The following GRM8 variants were observed in gnomAD, a reference collection of about 807,000 sequenced individuals.
GRM8 encodes the protein glutamate metabotropic receptor 8, also known as metabotropic glutamate receptor 8.
Under a neutral mutation model 87.2 loss-of-function variants are expected in GRM8, and 47 were observed. That is an observed-to-expected ratio of 0.54 (90% confidence interval 0.43 to 0.69). The LOEUF is 0.69. Ranked by LOEUF, GRM8 falls within the 30% of genes least tolerant of loss-of-function variation. The pLI, the probability that GRM8 is intolerant of heterozygous loss-of-function variation, is 0.00. For missense variants in GRM8, 1,019 were observed against 1,139.2 expected, an observed-to-expected ratio of 0.89 and a Z score of 1.52; for synonymous variants, 396 against 404.5, an observed-to-expected ratio of 0.98 and a Z score of 0.25.
At chr7:126,446,729 T>C (rs1802061893) in intron 9 of GRM8, among the ~76,000 whole-genome samples, 1 of 152,018 alleles carries the variant, frequency 6.6e-6, no homozygotes, top group South Asian at 2.1e-4. Context: ...TAGAAGGTAC[T>C]AGTGGGCCAA....
chr7:126,779,601 CAT>C (rs1453056429), intron 6 of GRM8, among the ~76,000 whole-genome samples: 1 of 152,066 alleles, frequency 6.6e-6, no homozygotes, highest in Non-Finnish European at 1.5e-5. Context: ...CATTTGCTAA[CAT>C]AGAGTCTGTT....
intron 8 of GRM8, among the ~76,000 whole-genome samples, chr7:126,549,125 A>G (rs1171395710): frequency 1.3e-5 from 2 of 152,204 alleles, no homozygotes; most frequent in Non-Finnish European, 2.9e-5. Context: ...AAAACAATAC[A>G]GACATGGAAA....
intron 7 of GRM8, among the ~76,000 whole-genome samples, chr7:126,619,654 C>T (rs533755299): frequency 2.6e-5 from 4 of 152,050 alleles, no homozygotes; most frequent in East Asian, 3.9e-4. Flanking sequence ...CCATCCTATA[C>T]GTTAGGTATT....
intron 9 of GRM8, among the ~76,000 whole-genome samples, chr7:126,454,059 G>T (rs1368139829): frequency 6.6e-6 from 1 of 151,198 alleles, no homozygotes; most frequent in Admixed American, 6.6e-5. Flanking sequence ...TCATTTGAAC[G>T]GATATCAAAA....
rs543834841 is a variant in GRM8, at chr7:126,458,004, C to T, written c.2431-11632G>A. 2.8e-5 allele frequency among the ~76,000 whole-genome samples: 4 copies of T among 142,706 alleles called. No homozygotes were observed. The East Asian group carries it at 6.2e-4, about 22-fold the overall frequency. The allele number at this position is 142,706 out of a possible 152,430, so 93.6% of individuals were successfully genotyped here. A position where few individuals can be genotyped will look rare whatever the true frequency, so the allele number is the denominator to read the frequency against. ...ATTTTAAAAATATGCCAGCAAATTA[C>T]TTCTAAATGTTGTTAGCCAAAAAAA... On this transcript the variant is annotated intron_variant, in intron 9 of 10. Coordinates refer to ENST00000339582, the MANE Select transcript of GRM8 (RefSeq NM_000845.3).
At chr7:126,647,650 T>C (rs928683658) in intron 7 of GRM8, among the ~76,000 whole-genome samples, 1 of 152,114 alleles carries the variant, frequency 6.6e-6, no homozygotes, top group African/African-American at 2.4e-5. Context: ...CCAGAGTTGC[T>C]TACATGAAGA....
At chr7:126,910,642 G>C (rs1803184820) in intron 3 of GRM8, among the ~76,000 whole-genome samples, 1 of 152,104 alleles carries the variant, frequency 6.6e-6, no homozygotes, top group African/African-American at 2.4e-5. Context: ...TTTTTATTAG[G>C]GTGCCATGAA....
At chr7:127,183,111 C>T (rs1794557983) in intron 2 of GRM8, among the ~76,000 whole-genome samples, 1 of 151,850 alleles carries the variant, frequency 6.6e-6, no homozygotes, top group African/African-American at 2.4e-5. Flanking sequence ...ACATATCATT[C>T]TAATGCTGAC....
chr7:127,155,990 C>A (rs1792706118), intron 2 of GRM8, among the ~76,000 whole-genome samples: 1 of 152,082 alleles, frequency 6.6e-6, no homozygotes, highest in South Asian at 2.1e-4. Flanking sequence ...TGTTTAATAA[C>A]CCCCAGAGCC....
chr7:126,718,112 C>A (rs1195429462), intron 7 of GRM8, among the ~76,000 whole-genome samples: 2 of 152,014 alleles, frequency 1.3e-5, no homozygotes, highest in East Asian at 3.9e-4. Context: ...TGGCAGGCGC[C>A]TGTAGCCCCA....
chr7:127,070,855 C>T (rs1821608974), intron 3 of GRM8, among the ~76,000 whole-genome samples: 1 of 152,134 alleles, frequency 6.6e-6, no homozygotes, highest in African/African-American at 2.4e-5. Flanking sequence ...ATTCAAAGCC[C>T]ATAATCTCTA....
chr7:126,588,959 C>T (rs901977580), intron 8 of GRM8, among the ~76,000 whole-genome samples: 1 of 152,078 alleles, frequency 6.6e-6, no homozygotes, highest in South Asian at 2.1e-4. Flanking sequence ...CCAGAAGAGC[C>T]CTGTGGGCTC....
At chr7:127,181,335 A>G (rs1362542720) in intron 2 of GRM8, among the ~76,000 whole-genome samples, 2 of 152,082 alleles carry the variant, frequency 1.3e-5, no homozygotes. Context: ...CACTGTTGAA[A>G]GAAATCATAG....
intron 10 of GRM8, among the ~76,000 whole-genome samples, chr7:126,442,467 TG>T (rs1801578450): frequency 6.6e-6 from 1 of 152,030 alleles, no homozygotes; most frequent in African/African-American, 2.4e-5. Context: ...GGAGAAAAAT[TG>T]TCATAAGAGT....
chr7:127,008,624 T>C (rs1045573645), intron 3 of GRM8, among the ~76,000 whole-genome samples: 3 of 152,144 alleles, frequency 2.0e-5, no homozygotes, highest in Admixed American at 1.3e-4. Flanking sequence ...AGCCTTGTTT[T>C]TGTCTTGTAA....
chr7:126,759,857 T>C (rs373543956), intron 7 of GRM8, among the ~76,000 whole-genome samples: 2 of 152,330 alleles, frequency 1.3e-5, no homozygotes, highest in East Asian at 3.9e-4. Flanking sequence ...TAGATTAGTA[T>C]ATATATCCTT....
intron 7 of GRM8, among the ~76,000 whole-genome samples, chr7:126,634,674 TC>T (rs1366679069): frequency 7.5e-6 from 1 of 133,478 alleles, no homozygotes; most frequent in South Asian, 2.7e-4. Context: ...CCTTCCTTCC[TC>T]CCCCCACCTT....
chr7:126,952,309 T>C (rs1388071038), intron 3 of GRM8, among the ~76,000 whole-genome samples: 1 of 151,978 alleles, frequency 6.6e-6, no homozygotes, highest in Non-Finnish European at 1.5e-5. Flanking sequence ...TAATCTATTA[T>C]CTAAATAGGA....
chr7:127,133,756 G>A (rs1827815558), intron 2 of GRM8, among the ~76,000 whole-genome samples: 1 of 151,262 alleles, frequency 6.6e-6, no homozygotes, highest in African/African-American at 2.4e-5. Context: ...AGATAAACTG[G>A]CATTTTTTCA....
Sources: gnomAD v4.1 joint callset for allele counts (sites outside exome capture counted in the v4.1 genomes callset) on GRCh38, gnomAD v4.1.1 for gene constraint, MANE v1.5 for transcripts, NCBI Gene and HGNC (gene_info 2026-07-23, HGNC 2026-07-21) for gene names.